KCNH8: variants seen among roughly 807,000 people sequenced by gnomAD.
KCNH8 encodes the protein potassium voltage-gated channel subfamily H member 8.
In KCNH8, 70 loss-of-function variants were observed where a neutral mutation model predicts 103.6. The observed-to-expected ratio is 0.68, with a 90% CI of 0.56 to 0.82. The LOEUF is 0.82. Among genes scored for constraint, KCNH8 ranks in the 40% least tolerant of loss-of-function variants. The probability of loss-of-function intolerance (pLI) is 0.00; values close to 1 mark genes in which losing one functional copy is unlikely to be tolerated. For synonymous variants in KCNH8, 498 were observed against 489.4 expected, an observed-to-expected ratio of 1.02 and a Z score of -0.23; for missense variants, 1,217 against 1,329.9, an observed-to-expected ratio of 0.92 and a Z score of 1.32.
intron 5 of KCNH8, among the ~76,000 whole-genome samples, chr3:19,366,986 C>T (rs1341093465): frequency 1.3e-5 from 2 of 151,988 alleles, no homozygotes; most frequent in African/African-American, 4.8e-5. Context: ...CCCAAGAGAG[C>T]TGATGTGGCA....
At chr3:19,214,561 T>G (rs1237130457) in intron 1 of KCNH8, among the ~76,000 whole-genome samples, 1 of 152,226 alleles carries the variant, frequency 6.6e-6, no homozygotes, top group African/African-American at 2.4e-5. Context: ...ACTTCCCCTG[T>G]GGATCAGGCC....
chr3:19,525,821 T>C (rs555881319), intron 15 of KCNH8, among the ~76,000 whole-genome samples: 1 of 152,054 alleles, frequency 6.6e-6, no homozygotes, highest in Non-Finnish European at 1.5e-5. Flanking sequence ...TCTCCAGCTG[T>C]AGACAAAGAT....
At chr3:19,370,798 C>T (rs1234336169) in intron 5 of KCNH8, among the ~76,000 whole-genome samples, 1 of 147,982 alleles carries the variant, frequency 6.8e-6, no homozygotes, top group Non-Finnish European at 1.5e-5. Context: ...TGTGATATTC[C>T]CCTTCCTGTG....
At chr3:19,186,452 C>G (rs1253069647) in intron 1 of KCNH8, among the ~76,000 whole-genome samples, 6 of 152,048 alleles carry the variant, frequency 3.9e-5, no homozygotes, top group African/African-American at 1.2e-4. Context: ...TGCTTAAGGG[C>G]ACTTTTTCTG....
intron 2 of KCNH8, among the ~76,000 whole-genome samples, chr3:19,258,947 C>CTCTCTATATATATA (rs1321918245): frequency 8.5e-4 from 21 of 24,796 alleles, no homozygotes; most frequent in Non-Finnish European, 1.2e-3. Flanking sequence ...CTCTCTCTCT[C>CTCTCTATATATATA]TATATATATA....
Position 19,533,392 on chromosome 3 carries a change from T to C in KCNH8, c.2620-3T>C, listed in dbSNP as rs1334811228. On this transcript the variant is annotated splice_region_variant and splice_polypyrimidine_tract_variant and intron_variant, in intron 15 of 15. Transcript: ENST00000328405. ...TGTCTTTCACTTTGCTCTATCCACA[T>C]AGGTAACAACATTGACTCAGGAAGT... 16 of 1,605,414 alleles carry C rather than the reference T, an allele frequency of 1.0e-5. No homozygotes were observed. The highest frequency in any genetic ancestry group is 2.2e-5 in the East Asian group (1 of 44,854).
chr3:19,253,421 T>C (rs1248786479), intron 1 of KCNH8, among the ~76,000 whole-genome samples: 2 of 151,696 alleles, frequency 1.3e-5, no homozygotes, highest in Non-Finnish European at 1.5e-5. Flanking sequence ...CCAGTGAACA[T>C]GTATGTTTCT....
At chr3:19,200,817 G>T (rs902167308) in intron 1 of KCNH8, among the ~76,000 whole-genome samples, 12 of 151,820 alleles carry the variant, frequency 7.9e-5, no homozygotes, top group Non-Finnish European at 1.8e-4. Context: ...GTAAATTTCT[G>T]TCCTTAAAGT....
chr3:19,187,292 G>T (rs908133525), intron 1 of KCNH8, among the ~76,000 whole-genome samples: 8 of 151,856 alleles, frequency 5.3e-5, no homozygotes, highest in Admixed American at 2.0e-4. Context: ...ATGTAATATT[G>T]TTACATATGT....
At chr3:19,526,561 T>C (rs1357990074) in intron 15 of KCNH8, among the ~76,000 whole-genome samples, 1 of 151,976 alleles carries the variant, frequency 6.6e-6, no homozygotes, top group Non-Finnish European at 1.5e-5. Context: ...ACAGTAAATC[T>C]GTGTTTACAC....
intron 5 of KCNH8, among the ~76,000 whole-genome samples, chr3:19,382,346 G>A (rs758577194): frequency 7.9e-5 from 12 of 152,086 alleles, no homozygotes; most frequent in Non-Finnish European, 1.2e-4. Context: ...GCCTAGTTGG[G>A]TAACCTTCAG....
At chr3:19,204,344 A>AGT (rs1175261372) in intron 1 of KCNH8, among the ~76,000 whole-genome samples, 3 of 152,080 alleles carry the variant, frequency 2.0e-5, no homozygotes, top group African/African-American at 7.2e-5. Context: ...ACCCCTACAC[A>AGT]GCTGTCTACT....
At chr3:19,493,536 G>A (rs768790229) in intron 11 of KCNH8, among the ~76,000 whole-genome samples, 32 of 152,112 alleles carry the variant, frequency 2.1e-4, no homozygotes, top group Middle Eastern at 3.4e-3. Flanking sequence ...CATGATTGTA[G>A]GTTTTCTGAG....
chr3:19,194,909 T>C (rs952652130), intron 1 of KCNH8, among the ~76,000 whole-genome samples: 3 of 151,950 alleles, frequency 2.0e-5, no homozygotes, highest in African/African-American at 7.2e-5. Context: ...AGGAATGGTT[T>C]GTTAAGAGGT....
intron 1 of KCNH8, among the ~76,000 whole-genome samples, chr3:19,225,506 T>G (rs2063920902): frequency 6.6e-6 from 1 of 152,128 alleles, no homozygotes; most frequent in Admixed American, 6.5e-5. Flanking sequence ...TGTCATTGTT[T>G]TTTAGTATCT....
chr3:19,169,422 A>G (rs1302335342), intron 1 of KCNH8, among the ~76,000 whole-genome samples: 1 of 151,368 alleles, frequency 6.6e-6, no homozygotes, highest in Non-Finnish European at 1.5e-5. Context: ...AATTTTTTGT[A>G]TTTTTAGTAG....
chr3:19,404,738 G>A (rs750275763), intron 7 of KCNH8, among the ~76,000 whole-genome samples: 1 of 151,856 alleles, frequency 6.6e-6, no homozygotes, highest in Non-Finnish European at 1.5e-5. Flanking sequence ...GTGATCTACT[G>A]ACTTGAGGTT....
intron 5 of KCNH8, among the ~76,000 whole-genome samples, chr3:19,376,492 ACTGT>A (rs1232803238): frequency 6.6e-6 from 1 of 152,066 alleles, no homozygotes; most frequent in Non-Finnish European, 1.5e-5. Flanking sequence ...ACCTGTGCCC[ACTGT>A]CTGGCACTCC....
At chr3:19,264,034 C>G (rs2064472009) in intron 2 of KCNH8, among the ~76,000 whole-genome samples, 1 of 152,004 alleles carries the variant, frequency 6.6e-6, no homozygotes, top group African/African-American at 2.4e-5. Flanking sequence ...GAAGCCTTAC[C>G]TGAGACTTTG....
Sources: allele counts gnomAD v4.1 joint callset (sites outside exome capture counted in the v4.1 genomes callset), GRCh38; gene constraint gnomAD v4.1.1; transcripts MANE v1.5; gene names NCBI Gene and HGNC (gene_info 2026-07-23, HGNC 2026-07-21).